The following CCSER1 variants were observed in gnomAD, a reference collection of about 807,000 sequenced individuals.
The protein encoded by CCSER1 is serine-rich coiled-coil domain-containing protein 1.
A neutral mutation model predicts 82.0 loss-of-function variants in CCSER1; 41 were observed. The ratio of observed to expected loss-of-function variants is 0.50; its 90% confidence interval spans 0.39 to 0.65. The LOEUF is 0.65. Among genes scored for constraint, CCSER1 ranks in the 30% least tolerant of loss-of-function variants. CCSER1 has a pLI of 0.00. For synonymous variants in CCSER1, 414 were observed against 383.9 expected, an observed-to-expected ratio of 1.08 and a Z score of -0.92; for missense variants, 1,119 against 1,064.2, an observed-to-expected ratio of 1.05 and a Z score of -0.72.
At chr4:90,628,752 A>G (rs951218323) in intron 6 of CCSER1, among the ~76,000 whole-genome samples, 1 of 152,124 alleles carries the variant, frequency 6.6e-6, no homozygotes, top group East Asian at 1.9e-4. Flanking sequence ...GGGCCTAGTT[A>G]CTGAAACAGT....
chr4:90,486,381 C>T (rs1320106199), intron 5 of CCSER1, among the ~76,000 whole-genome samples: 1 of 152,212 alleles, frequency 6.6e-6, no homozygotes, highest in Non-Finnish European at 1.5e-5. Flanking sequence ...AGTCTTCTAT[C>T]AGGACCCTTC....
At chr4:90,928,618 G>C (rs1729354347) in intron 9 of CCSER1, among the ~76,000 whole-genome samples, 1 of 152,100 alleles carries the variant, frequency 6.6e-6, no homozygotes, top group Non-Finnish European at 1.5e-5. Flanking sequence ...AATTCTAAGT[G>C]TATAGTGGGA....
chr4:90,709,946 G>GTTTTT (rs200510091), intron 6 of CCSER1, among the ~76,000 whole-genome samples: 13 of 134,966 alleles, frequency 9.6e-5, no homozygotes, highest in South Asian at 4.7e-4. Context: ...GCCAGCATCT[G>GTTTTT]TTTTTTTTTT....
At chr4:90,958,493 A>ATT (rs112640977) in intron 9 of CCSER1, among the ~76,000 whole-genome samples, 6 of 146,082 alleles carry the variant, frequency 4.1e-5, no homozygotes, top group East Asian at 4.0e-4. Context: ...ATGGTAAAAC[A>ATT]TTTTTTTTTT....
intron 10 of CCSER1, among the ~76,000 whole-genome samples, chr4:91,335,509 A>G (rs1375574698): frequency 1.3e-5 from 2 of 152,132 alleles, no homozygotes; most frequent in Non-Finnish European, 2.9e-5. Flanking sequence ...TACTTATTTT[A>G]TTAGGAGAAA....
chr4:90,138,491 G>A (rs1283920266), intron 1 of CCSER1, among the ~76,000 whole-genome samples: 1 of 152,166 alleles, frequency 6.6e-6, no homozygotes, highest in Non-Finnish European at 1.5e-5. Context: ...TTCTTAATTT[G>A]GAGCTGAATA....
intron 3 of CCSER1, among the ~76,000 whole-genome samples, chr4:90,325,415 TAAG>T: frequency 6.6e-6 from 1 of 152,304 alleles, no homozygotes; most frequent in South Asian, 2.1e-4. Flanking sequence ...CCTTTAAAAT[TAAG>T]AAGTTAGAAA....
At chr4:91,186,402 C>A (rs1205438363) in intron 10 of CCSER1, among the ~76,000 whole-genome samples, 1 of 152,118 alleles carries the variant, frequency 6.6e-6, no homozygotes, top group African/African-American at 2.4e-5. Flanking sequence ...TTCTTACTCA[C>A]CACAGGGATT....
At chr4:91,016,646 C>T (rs1184312858) in intron 9 of CCSER1, among the ~76,000 whole-genome samples, 1 of 151,992 alleles carries the variant, frequency 6.6e-6, no homozygotes, top group Non-Finnish European at 1.5e-5. Flanking sequence ...CATATATATG[C>T]ATTGTTAATA....
At chr4:90,199,710 A>C (rs1737288427) in intron 1 of CCSER1, among the ~76,000 whole-genome samples, 1 of 152,138 alleles carries the variant, frequency 6.6e-6, no homozygotes, top group South Asian at 2.1e-4. Context: ...GGGATCATCA[A>C]GTCCTGGCAC....
At chr4:90,439,351 C>G (rs551897798) in intron 4 of CCSER1, among the ~76,000 whole-genome samples, 2 of 152,180 alleles carry the variant, frequency 1.3e-5, no homozygotes, top group African/African-American at 4.8e-5. Context: ...GTAGTAAACA[C>G]ACGCATTTCT....
chr4:91,579,914 T>C (rs1211672417), intron 10 of CCSER1, among the ~76,000 whole-genome samples: 1 of 151,890 alleles, frequency 6.6e-6, no homozygotes, highest in East Asian at 1.9e-4. Context: ...TGAAAAGTCC[T>C]CATTTTAATG....
intron 6 of CCSER1, among the ~76,000 whole-genome samples, chr4:90,686,191 A>C (rs1027998219): frequency 6.6e-6 from 1 of 152,112 alleles, no homozygotes; most frequent in Non-Finnish European, 1.5e-5. Context: ...GTCTAGTTTT[A>C]GCCACAGGCC....
At position 91,283,795 on chromosome 4, in the gene CCSER1, TG is replaced by T. The variant is rs1045787327; in HGVS notation, c.2217+197802del. ...ATCATTTGCTCCAAAAAAAAAAATT[TG>T]TTTTATTTACAGGGCACAGCTTATG... On this transcript the variant is annotated intron_variant, in intron 10 of 10. Transcript: ENST00000509176. 5.3e-5 allele frequency among the ~76,000 whole-genome samples: 8 copies of T among 152,008 alleles called. 1 individual carries two copies. Among genetic ancestry groups the T allele is most frequent in the Admixed American group, 4.6e-4 (7 of 15,224 alleles).
intron 1 of CCSER1, among the ~76,000 whole-genome samples, chr4:90,237,051 C>T (rs1238636711): frequency 6.6e-6 from 1 of 151,798 alleles, no homozygotes; most frequent in Non-Finnish European, 1.5e-5. Context: ...GAGCTACATG[C>T]CAGAGTATAT....
At chr4:90,506,372 CTTGT>C (rs1321384451) in intron 5 of CCSER1, among the ~76,000 whole-genome samples, 1 of 151,982 alleles carries the variant, frequency 6.6e-6, no homozygotes, top group Admixed American at 6.6e-5. Context: ...GCATATGTTT[CTTGT>C]TTGTGTTTTT....
intron 10 of CCSER1, among the ~76,000 whole-genome samples, chr4:91,210,325 C>A (rs1736709114): frequency 1.3e-5 from 2 of 151,048 alleles, no homozygotes; most frequent in South Asian, 4.2e-4. Flanking sequence ...TGAATCTATG[C>A]TGCTATCAGT....
intron 1 of CCSER1, among the ~76,000 whole-genome samples, chr4:90,276,456 C>T (rs1470307121): frequency 2.0e-5 from 3 of 150,634 alleles, no homozygotes; most frequent in East Asian, 3.9e-4. Flanking sequence ...AAGCGATTCT[C>T]CTGCTTCAGC....
At chr4:91,197,980 T>G (rs1273411497) in intron 10 of CCSER1, among the ~76,000 whole-genome samples, 1 of 152,174 alleles carries the variant, frequency 6.6e-6, no homozygotes, top group African/African-American at 2.4e-5. Flanking sequence ...TGAATAATTC[T>G]TAAAAATGGA....
Sources: gnomAD v4.1 joint callset for allele counts (sites outside exome capture counted in the v4.1 genomes callset) on GRCh38, gnomAD v4.1.1 for gene constraint, MANE v1.5 for transcripts, NCBI Gene and HGNC (gene_info 2026-07-23, HGNC 2026-07-21) for gene names.